DLG2: variants seen among roughly 807,000 people sequenced by gnomAD.
DLG2 encodes the protein disks large homolog 2.
Under a neutral mutation model 132.5 loss-of-function variants are expected in DLG2, and 45 were observed. That is an observed-to-expected ratio of 0.34 (90% CI 0.27 to 0.44). DLG2 has a LOEUF of 0.44. DLG2 is among the 20% of genes least tolerant of loss of function. The pLI, the probability that DLG2 is intolerant of heterozygous loss-of-function variation, is 1.00. For synonymous variants in DLG2, 424 were observed against 419.6 expected, an observed-to-expected ratio of 1.01 and a Z score of -0.13; for missense variants, 1,045 against 1,196.9, an observed-to-expected ratio of 0.87 and a Z score of 1.87.
intron 17 of DLG2, among the ~76,000 whole-genome samples, chr11:83,813,544 C>T (rs964283935): frequency 5.9e-5 from 9 of 152,238 alleles, no homozygotes; most frequent in African/African-American, 1.9e-4. Context: ...TGAACAGACA[C>T]ATTAAGTCCT....
At chr11:84,605,589 T>C (rs1261861163) in intron 6 of DLG2, among the ~76,000 whole-genome samples, 3 of 136,888 alleles carry the variant, frequency 2.2e-5, no homozygotes, top group African/African-American at 8.7e-5. Context: ...CGTAATCCTC[T>C]GCAAAAAAAA....
chr11:85,619,341 C>A (rs1232491031), intron 2 of DLG2, among the ~76,000 whole-genome samples: 1 of 151,878 alleles, frequency 6.6e-6, no homozygotes, highest in Non-Finnish European at 1.5e-5. Flanking sequence ...ACAAGCCCAG[C>A]TAATTTTTTT....
chr11:84,976,483 G>A (rs2054923659), intron 6 of DLG2, among the ~76,000 whole-genome samples: 1 of 151,932 alleles, frequency 6.6e-6, no homozygotes, highest in Admixed American at 6.6e-5. Context: ...TAGTATATGT[G>A]TATATATAAT....
At chr11:85,405,054 TA>T (rs1281798932) in intron 3 of DLG2, among the ~76,000 whole-genome samples, 1 of 151,912 alleles carries the variant, frequency 6.6e-6, no homozygotes, top group East Asian at 1.9e-4. Flanking sequence ...AATATAGTTT[TA>T]AAAAATGTTG....
At chr11:84,071,638 CT>C (rs1198868247) in intron 10 of DLG2, among the ~76,000 whole-genome samples, 1 of 152,140 alleles carries the variant, frequency 6.6e-6, no homozygotes, top group East Asian at 1.9e-4. Context: ...TTGCCTCCAG[CT>C]TTTTCCCCTC....
At chr11:84,594,191 G>A (rs1232063350) in intron 6 of DLG2, among the ~76,000 whole-genome samples, 2 of 152,144 alleles carry the variant, frequency 1.3e-5, no homozygotes, top group African/African-American at 4.8e-5. Context: ...TGAAGATGCT[G>A]TAACAAGCAA....
chr11:85,006,612 CTCTTT>C (rs2058682217), intron 6 of DLG2, among the ~76,000 whole-genome samples: 1 of 152,026 alleles, frequency 6.6e-6, no homozygotes, highest in African/African-American at 2.4e-5. Flanking sequence ...TATTTCTTCT[CTCTTT>C]TCTTCTTTAT....
At chr11:84,557,871 C>G (rs546523151) in intron 6 of DLG2, among the ~76,000 whole-genome samples, 3 of 152,158 alleles carry the variant, frequency 2.0e-5, no homozygotes, top group South Asian at 2.1e-4. Context: ...CTGTTCCGTG[C>G]TTTCTCCAAT....
intron 7 of DLG2, among the ~76,000 whole-genome samples, chr11:84,355,775 T>C (rs2098607824): frequency 6.6e-6 from 1 of 152,108 alleles, no homozygotes; most frequent in Non-Finnish European, 1.5e-5. Flanking sequence ...TGAGACATTG[T>C]ATAAAAATCG....
chr11:84,288,955 G>A (rs961838318), intron 7 of DLG2, among the ~76,000 whole-genome samples: 16 of 152,106 alleles, frequency 1.1e-4, no homozygotes, highest in African/African-American at 1.4e-4. Flanking sequence ...TGTGAACTTC[G>A]CAAGAATTCT....
intron 7 of DLG2, among the ~76,000 whole-genome samples, chr11:84,499,947 T>G (rs904001202): frequency 6.6e-6 from 1 of 152,190 alleles, no homozygotes; most frequent in African/African-American, 2.4e-5. Flanking sequence ...CATTCACTCA[T>G]TCATTTATCT....
At chr11:85,154,277 A>C (rs1374755752) in intron 5 of DLG2, among the ~76,000 whole-genome samples, 1 of 152,212 alleles carries the variant, frequency 6.6e-6, no homozygotes, top group Non-Finnish European at 1.5e-5. Context: ...CAAGAGAGGA[A>C]AAGTGAAATA....
intron 18 of DLG2, among the ~76,000 whole-genome samples, chr11:83,706,912 C>T (rs77390292): frequency 0.012 from 1,880 of 152,286 alleles, 49 homozygotes; most frequent in African/African-American, 0.04. Flanking sequence ...GGTGACAACA[C>T]CTTTAAGATT....
At chr11:84,049,653 T>G (rs117231709) in intron 11 of DLG2, among the ~76,000 whole-genome samples, 419 of 151,946 alleles carry the variant, frequency 2.8e-3, no homozygotes, top group Non-Finnish European at 3.9e-3. Flanking sequence ...TTGGCCAGGA[T>G]AGACATCATT....
At chr11:83,843,277 G>A (rs973907499) in intron 16 of DLG2, among the ~76,000 whole-genome samples, 1 of 152,146 alleles carries the variant, frequency 6.6e-6, no homozygotes, top group African/African-American at 2.4e-5. Flanking sequence ...CTAGAAGGAT[G>A]CCTGCCTTTT....
At chr11:85,560,600 A>C (rs1468462591) in intron 3 of DLG2, among the ~76,000 whole-genome samples, 2 of 151,924 alleles carry the variant, frequency 1.3e-5, no homozygotes, top group Non-Finnish European at 2.9e-5. Flanking sequence ...TTTTATGATG[A>C]TGGGAATGCT....
intron 18 of DLG2, among the ~76,000 whole-genome samples, chr11:83,781,730 C>T (rs770928625): frequency 2.0e-5 from 3 of 152,190 alleles, no homozygotes; most frequent in Non-Finnish European, 4.4e-5. Context: ...TGGCTCTTAA[C>T]TCCATTTTGA....
chr11:84,913,969 C>A (rs2092291983), intron 6 of DLG2, among the ~76,000 whole-genome samples: 1 of 152,168 alleles, frequency 6.6e-6, no homozygotes, highest in South Asian at 2.1e-4. Context: ...CTTACTCCCT[C>A]CCATCCAGGC....
chr11:84,324,830 A>G (rs2098422557), intron 7 of DLG2, among the ~76,000 whole-genome samples: 1 of 152,084 alleles, frequency 6.6e-6, no homozygotes, highest in African/African-American at 2.4e-5. Context: ...TTTTACTGTT[A>G]GTGTATAGAA....
Sources: gnomAD v4.1 joint callset for allele counts (sites outside exome capture counted in the v4.1 genomes callset) on GRCh38, gnomAD v4.1.1 for gene constraint, MANE v1.5 for transcripts, NCBI Gene and HGNC (gene_info 2026-07-23, HGNC 2026-07-21) for gene names.